The following ASXL2 variants were observed in gnomAD, a reference collection of about 807,000 sequenced individuals.
The protein encoded by ASXL2 is putative Polycomb group protein ASXL2.
A neutral mutation model predicts 122.0 loss-of-function variants in ASXL2; 23 were observed. The ratio of observed to expected loss-of-function variants is 0.19; its 90% confidence interval spans 0.14 to 0.27. ASXL2 has a LOEUF of 0.27. Ranked by LOEUF, ASXL2 falls within the 10% of genes least tolerant of loss-of-function variation. The pLI is 1.00. For synonymous variants in ASXL2, 650 were observed against 637.0 expected, an observed-to-expected ratio of 1.02 and a Z score of -0.31; for missense variants, 1,518 against 1,713.8, an observed-to-expected ratio of 0.89 and a Z score of 2.02.
intron 5 of ASXL2, among the ~76,000 whole-genome samples, chr2:25,786,889 C>T (rs1559511159): frequency 2.0e-5 from 3 of 151,276 alleles, no homozygotes; most frequent in African/African-American, 7.3e-5. Context: ...ATATTAAAAG[C>T]TTTACCTTAA....
chr2:25,779,571 A>G (rs1439910970), intron 5 of ASXL2, among the ~76,000 whole-genome samples: 1 of 152,200 alleles, frequency 6.6e-6, no homozygotes, highest in Non-Finnish European at 1.5e-5. Context: ...CAACATCTGT[A>G]AAAAGGGGGG....
intron 1 of ASXL2, among the ~76,000 whole-genome samples, chr2:25,875,184 T>C (rs146450923): frequency 6.6e-6 from 1 of 152,366 alleles, no homozygotes; most frequent in African/African-American, 2.4e-5. Context: ...TCCAGTGTAG[T>C]GAATGCACAT....
At chr2:25,867,189 C>T (rs1480693472) in intron 1 of ASXL2, among the ~76,000 whole-genome samples, 5 of 152,034 alleles carry the variant, frequency 3.3e-5, no homozygotes, top group African/African-American at 9.7e-5. Flanking sequence ...CGTGAGCCAC[C>T]GCGCCTGGCA....
At chr2:25,771,399 C>G in intron 6 of ASXL2, 41 bp downstream of exon 6, 1 of 1,551,386 alleles carries the variant, frequency 6.4e-7, no homozygotes, top group Non-Finnish European at 8.8e-7. Flanking sequence ...GTTTTAAATA[C>G]AGGAAATTCT....
At chr2:25,773,665 CA>C (rs55641820) in intron 5 of ASXL2, among the ~76,000 whole-genome samples, 36,140 of 135,586 alleles carry the variant, frequency 0.27, 4,513 homozygotes, top group Non-Finnish European at 0.29. Context: ...GACTCCATCT[CA>C]AAAAAAAAAA....
chr2:25,810,869 T>C (rs2089158673), intron 3 of ASXL2, among the ~76,000 whole-genome samples: 1 of 152,148 alleles, frequency 6.6e-6, no homozygotes, highest in Non-Finnish European at 1.5e-5. Context: ...GTGCACACAG[T>C]ATATACAAAA....
intron 5 of ASXL2, among the ~76,000 whole-genome samples, chr2:25,792,683 GCCT>G (rs1319810706): frequency 2.0e-5 from 3 of 151,626 alleles, no homozygotes; most frequent in Non-Finnish European, 4.4e-5. Flanking sequence ...GCTCACTGCA[GCCT>G]CCGAGGCCTC....
At chr2:25,814,766 G>A (rs1172228105) in intron 3 of ASXL2, among the ~76,000 whole-genome samples, 4 of 152,178 alleles carry the variant, frequency 2.6e-5, no homozygotes, top group African/African-American at 9.7e-5. Flanking sequence ...TAAGAGAGCA[G>A]AAGTCAATCA....
At chr2:25,812,197 G>A (rs935366589) in intron 3 of ASXL2, among the ~76,000 whole-genome samples, 3 of 149,684 alleles carry the variant, frequency 2.0e-5, no homozygotes, top group Admixed American at 1.3e-4. Context: ...AGTGGCTCGC[G>A]TCTATAATCC....
At position 25,767,438 on chromosome 2, in the gene ASXL2, T is replaced by C. The variant is rs1275568460; in HGVS notation, c.775+145A>G. The C allele has an allele frequency of 5.1e-6, 4 of 790,346 alleles. No homozygotes were observed. The Admixed American group carries it at 9.4e-5, about 19-fold the overall frequency. 49.0% of individuals were successfully genotyped at this position (790,346 alleles called of 1,614,324 possible). A position where few individuals can be genotyped will look rare whatever the true frequency, so the allele number is the denominator to read the frequency against. ...TTTCATTTCTTAACAGTAATTATGT[T>C]AGCAACAAAAAAAACTTATGTCTAA... On this transcript the variant is annotated intron_variant, in intron 8 of 12. Coordinates refer to ENST00000435504, the MANE Select transcript of ASXL2 (RefSeq NM_018263.6).
chr2:25,749,215 C>T (rs1219739333), intron 12 of ASXL2, among the ~76,000 whole-genome samples: 4 of 152,124 alleles, frequency 2.6e-5, no homozygotes, highest in East Asian at 1.9e-4. Flanking sequence ...GTAGGGGAAC[C>T]GAAGGAAGCC....
At position 25,739,881 on chromosome 2, in the gene ASXL2, AC is replaced by A; in HGVS notation, c.*2147del. ...ACTCTCAACCTCTTCCAGCATGCAG[AC>A]CAGCCCTCGGCCCTGGCACTAAGGT... On this transcript the variant is annotated 3_prime_UTR_variant, in exon 13 of 13. Transcript: ENST00000435504. 4.6e-6 allele frequency: 1 copy of A among 218,636 alleles called. No individual in the cohort carries two copies. Among genetic ancestry groups the A allele is most frequent in the Non-Finnish European group, 9.2e-6 (1 of 108,884 alleles). 13.5% of individuals were successfully genotyped at this position (218,636 alleles called of 1,614,324 possible). A position where few individuals can be genotyped will look rare whatever the true frequency, so the allele number is the denominator to read the frequency against.
rs895178427 is a variant in ASXL2 at position 25,837,325 on chromosome 2, T to C, written c.141-1785A>G. ...GGGCGTGTATTCTGTCAACAGTGTG[T>C]AGGCTTAATGTGTAGATTTAATTGT... On this transcript the variant is annotated intron_variant, in intron 2 of 12. Coordinates refer to ENST00000435504, the MANE Select transcript of ASXL2 (RefSeq NM_018263.6). 2.1e-4 allele frequency among the ~76,000 whole-genome samples: 32 copies of C among 152,346 alleles called. 1 individual carries two copies. The highest frequency in any genetic ancestry group is 4.1e-4 in the South Asian group (2 of 4,826).
At position 25,857,213 on chromosome 2, in the gene ASXL2, C is replaced by G. The variant is rs1197124256; in HGVS notation, c.58-11650G>C. ...CCATGGAGTTCTTCTGTATCCAACC[C>G]CAAAAGAGAACACAGAGAAAAAGCA... On this transcript the variant is annotated intron_variant, in intron 1 of 12. Transcript: ENST00000435504. Among the ~76,000 whole-genome samples the G allele has an allele frequency of 2.0e-5, 3 of 151,978 alleles. No individual in the cohort carries two copies. In the East Asian group the frequency reaches 5.8e-4, roughly 29 times the overall value.
At position 25,767,650 on chromosome 2, in the gene ASXL2, A is replaced by G. The variant is rs778479426; in HGVS notation, c.708T>C (p.Val236=). 14 of 1,613,866 alleles carry G rather than the reference A, an allele frequency of 8.7e-6. No homozygotes were observed. The Admixed American group carries it at 1.5e-4, about 17-fold the overall frequency. The stretch of plus-strand genomic sequence containing the variant: ...AGCCTAGTAAAGTATTTTCCACTTT[A>G]ACTGAGGAAGAAAAGCTGGAGTTTG... ...QNSNSSFSSS[V]KVENTLLGLG... Residue 236 remains valine, a synonymous_variant, in exon 8 of 13, where the codon GTT becomes GTC. Transcript: ENST00000435504.
At chr2:25,752,777 C>T (rs1418161259) in intron 11 of ASXL2, among the ~76,000 whole-genome samples, 1 of 150,926 alleles carries the variant, frequency 6.6e-6, no homozygotes, top group African/African-American at 2.4e-5. Flanking sequence ...CCAGAAGGCA[C>T]AGGTTGCAGT....
chr2:25,878,423 G>A lies in ASXL2; in HGVS notation c.-201C>T, dbSNP rs1040152227. On this transcript the variant is annotated 5_prime_UTR_variant, in exon 1 of 13. In the 5' UTR this introduces an upstream ATG that the reference lacks. Coordinates refer to ENST00000435504, the MANE Select transcript of ASXL2 (RefSeq NM_018263.6). ...TGGGGCGGCCGGTCCTCTTGCTGCC[G>A]TTGCCACTGCTACCGCCGCTGCCAT... 2 of 599,150 alleles carry A rather than the reference G, an allele frequency of 3.3e-6. No homozygotes were observed. The highest frequency in any genetic ancestry group is 5.9e-6 in the Non-Finnish European group (2 of 338,170). The allele number at this position is 599,150 out of a possible 1,614,324, so 37.1% of individuals were successfully genotyped here. A position where few individuals can be genotyped will look rare whatever the true frequency, so the allele number is the denominator to read the frequency against.
At chr2:25,773,448 A>C (rs577266906) in intron 5 of ASXL2, among the ~76,000 whole-genome samples, 1 of 151,770 alleles carries the variant, frequency 6.6e-6, no homozygotes, top group African/African-American at 2.4e-5. Context: ...GGCGGATCAC[A>C]AGGTCAGGAG....
intron 3 of ASXL2, among the ~76,000 whole-genome samples, chr2:25,808,312 A>C (rs1277407517): frequency 6.6e-6 from 1 of 152,184 alleles, no homozygotes; most frequent in Non-Finnish European, 1.5e-5. Flanking sequence ...AAAAGGGCAG[A>C]ACTGAGAAAA....
Sources: allele counts gnomAD v4.1 joint callset (sites outside exome capture counted in the v4.1 genomes callset), GRCh38; gene constraint gnomAD v4.1.1; transcripts MANE v1.5; gene names NCBI Gene and HGNC (gene_info 2026-07-23, HGNC 2026-07-21).